The following CACNB2 variants were observed in gnomAD, a reference collection of about 807,000 sequenced individuals.
CACNB2 encodes the protein voltage-dependent L-type calcium channel subunit beta-2.
In CACNB2, 42 loss-of-function variants were observed where a neutral mutation model predicts 73.3. The observed-to-expected ratio is 0.57, with a 90% CI of 0.45 to 0.74. The LOEUF (loss-of-function observed/expected upper bound fraction) is 0.74. CACNB2 is among the 30% of genes least tolerant of loss of function. The pLI is 0.00. For missense variants in CACNB2, 940 were observed against 853.0 expected, an observed-to-expected ratio of 1.10 and a Z score of -1.27; for synonymous variants, 348 against 310.3, an observed-to-expected ratio of 1.12 and a Z score of -1.28.
intron 9 of CACNB2, among the ~76,000 whole-genome samples, chr10:18,522,746 C>T (rs77531704): frequency 2.6e-5 from 4 of 151,794 alleles, no homozygotes; most frequent in African/African-American, 4.8e-5. Context: ...GGCATGTTGG[C>T]GGGTGCCTGC....
chr10:18,539,262 C>T lies in CACNB2; in HGVS notation c.1521C>T (p.Ser507=), dbSNP rs143060134. The T allele has an allele frequency of 7.7e-3, 12,404 of 1,613,944 alleles. 59 individuals carry two copies. The highest frequency in any genetic ancestry group is 9.4e-3 in the Non-Finnish European group (11,073 of 1,179,990). The change falls in exon 14 of 14, where the codon TCC becomes TCT. Residue 507 remains serine, a synonymous_variant. Coordinates refer to ENST00000324631, the MANE Select transcript of CACNB2 (RefSeq NM_201596.3). ...GSQGDQRTDR[S]APIRSASQAE... is the part of the protein sequence containing the mutation. ...AAGGTGATCAGAGGACTGATCGCTC[C>T]GCTCCTATCCGTTCTGCTTCCCAAG...
chr10:18,475,196 A>C (rs1418718794), intron 3 of CACNB2, among the ~76,000 whole-genome samples: 1 of 151,920 alleles, frequency 6.6e-6, no homozygotes, highest in Non-Finnish European at 1.5e-5. Flanking sequence ...ACACACCTGG[A>C]AGCTCTCAGA....
rs1164745930 is a variant in CACNB2, at chr10:18,228,433, C to CAAAAAAAAA, written c.213+77466_213+77474dup. 5.9e-3 allele frequency among the ~76,000 whole-genome samples: 205 copies of CAAAAAAAAA among 34,712 alleles called. 20 individuals are homozygous for CAAAAAAAAA. The highest frequency in any genetic ancestry group is 0.015 in the African/African-American group (145 of 9,356). The allele number at this position is 34,712 out of a possible 152,430, so 22.8% of individuals were successfully genotyped here. A position where few individuals can be genotyped will look rare whatever the true frequency, so the allele number is the denominator to read the frequency against. ...GAGCAACAAGAGCAAAACTCTACCTCAAAAAAAAAAAAAAAAGAAAAAAAA... is the reference window on the plus strand; with the variant it reads ...GAGCAACAAGAGCAAAACTCTACCTCAAAAAAAAAAAAAAAAAAAAAAAAAGAAAAAAAA... On this transcript the variant is annotated intron_variant, in intron 2 of 13. Transcript: ENST00000324631.
rs962842205 is a variant in CACNB2, at chr10:18,266,082, G to A, written c.213+115107G>A. Among the ~76,000 whole-genome samples, 10 of 152,266 alleles carry A rather than the reference G, an allele frequency of 6.6e-5. No individual in the cohort carries two copies. The East Asian group carries it at 1.7e-3, about 26-fold the overall frequency. On this transcript the variant is annotated intron_variant, in intron 2 of 13. Coordinates refer to ENST00000324631, the MANE Select transcript of CACNB2 (RefSeq NM_201596.3). ...TATATACCGTAACTTAAGCAATTCGGTACTCTAGTTAAATTCTGATTGTTC... is the reference window on the plus strand; with the variant it reads ...TATATACCGTAACTTAAGCAATTCGATACTCTAGTTAAATTCTGATTGTTC...
Position 18,174,230 on chromosome 10 carries a change from C to G in CACNB2, c.213+23255C>G, listed in dbSNP as rs547885504. ...TTTCCCTTCCTTTCTCCTTCCCCTTCCCCTTCCTTCTCCCCTCCCCTTCCC... is the reference window on the plus strand; with the variant it reads ...TTTCCCTTCCTTTCTCCTTCCCCTTGCCCTTCCTTCTCCCCTCCCCTTCCC... On this transcript the variant is annotated intron_variant, in intron 2 of 13. Transcript: ENST00000324631. Among the ~76,000 whole-genome samples the G allele has an allele frequency of 3.7e-5, 5 of 136,884 alleles. No individual in the cohort carries two copies. The South Asian group carries it at 1.1e-3, about 30-fold the overall frequency. 89.8% of individuals were successfully genotyped at this position (136,884 alleles called of 152,430 possible). A position where few individuals can be genotyped will look rare whatever the true frequency, so the allele number is the denominator to read the frequency against.
chr10:18,310,466 G>A (rs1249943066), intron 2 of CACNB2, among the ~76,000 whole-genome samples: 2 of 150,934 alleles, frequency 1.3e-5, no homozygotes, highest in Non-Finnish European at 3.0e-5. Context: ...TTAGCTGGGC[G>A]TGGTGGTGGA....
chr10:18,176,031 G>A (rs2033570145), intron 2 of CACNB2, among the ~76,000 whole-genome samples: 1 of 152,198 alleles, frequency 6.6e-6, no homozygotes. Flanking sequence ...GACACCTACA[G>A]CATGTTGTAA....
intron 3 of CACNB2, among the ~76,000 whole-genome samples, chr10:18,477,966 C>G (rs1440390126): frequency 4.6e-5 from 7 of 152,146 alleles, no homozygotes; most frequent in South Asian, 2.1e-4. Context: ...CGGAGTTTCA[C>G]TCTTGTTGCC....
chr10:18,493,486 A>T (rs2049587788), intron 3 of CACNB2, among the ~76,000 whole-genome samples: 1 of 152,062 alleles, frequency 6.6e-6, no homozygotes, highest in African/African-American at 2.4e-5. Flanking sequence ...TTTTATATCA[A>T]GGACTTGAAC....
intron 2 of CACNB2, among the ~76,000 whole-genome samples, chr10:18,184,442 T>C (rs1040602421): frequency 1.3e-5 from 2 of 152,164 alleles, no homozygotes; most frequent in Non-Finnish European, 2.9e-5. Flanking sequence ...CCCCTATTAT[T>C]AACATCTTGT....
At chr10:18,287,785 G>T (rs979470446) in intron 2 of CACNB2, among the ~76,000 whole-genome samples, 1 of 152,174 alleles carries the variant, frequency 6.6e-6, no homozygotes, top group Non-Finnish European at 1.5e-5. Context: ...AGGAATTTGA[G>T]GCTGCACTGA....
rs192119936 is a variant in CACNB2, at chr10:18,408,332, G to A, written c.333+6289G>A. Among the ~76,000 whole-genome samples, 567 of 137,792 alleles carry A rather than the reference G, an allele frequency of 4.1e-3. 2 individuals carry two copies. Among genetic ancestry groups the A allele is most frequent in the African/African-American group, 0.011 (426 of 37,846 alleles). 90.4% of individuals were successfully genotyped at this position (137,792 alleles called of 152,430 possible). A position where few individuals can be genotyped will look rare whatever the true frequency, so the allele number is the denominator to read the frequency against. The stretch of plus-strand genomic sequence containing the variant: ...CAGCCCACTGCAGCCTCTTCCTCCC[G>A]GGTTCAGGCAATTCTCCTGCCTCAG... On this transcript the variant is annotated intron_variant, in intron 3 of 13. Coordinates refer to ENST00000324631, the MANE Select transcript of CACNB2 (RefSeq NM_201596.3).
At chr10:18,219,609 T>G (rs965154009) in intron 2 of CACNB2, among the ~76,000 whole-genome samples, 1 of 152,136 alleles carries the variant, frequency 6.6e-6, no homozygotes, top group African/African-American at 2.4e-5. Flanking sequence ...ACTTGTAGAT[T>G]AAACAGCCAA....
chr10:18,351,449 T>G (rs1799311736), intron 2 of CACNB2, among the ~76,000 whole-genome samples: 1 of 152,240 alleles, frequency 6.6e-6, no homozygotes. Flanking sequence ...CTCTTTACAT[T>G]CTTCTACCTA....
chr10:18,289,260 A>G (rs2038943733), intron 2 of CACNB2, among the ~76,000 whole-genome samples: 1 of 149,998 alleles, frequency 6.7e-6, no homozygotes, highest in African/African-American at 2.5e-5. Context: ...CAATCTTACG[A>G]AGTTGTCTTC....
At chr10:18,493,962 T>G (rs902009848) in intron 3 of CACNB2, among the ~76,000 whole-genome samples, 4 of 152,200 alleles carry the variant, frequency 2.6e-5, no homozygotes. Flanking sequence ...TATTGAGGAA[T>G]AGGTATCTGC....
chr10:18,207,722 T>C (rs530029266), intron 2 of CACNB2, among the ~76,000 whole-genome samples: 2 of 152,374 alleles, frequency 1.3e-5, no homozygotes, highest in East Asian at 3.9e-4. Context: ...TACATGGGCA[T>C]GATGTATTAT....
At chr10:18,276,131 T>C (rs1029655220) in intron 2 of CACNB2, among the ~76,000 whole-genome samples, 1 of 152,192 alleles carries the variant, frequency 6.6e-6, no homozygotes, top group Non-Finnish European at 1.5e-5. Context: ...CAGTTTCACA[T>C]GATATAAAAG....
At chr10:18,453,547 C>T (rs1359715073) in intron 3 of CACNB2, among the ~76,000 whole-genome samples, 1 of 152,226 alleles carries the variant, frequency 6.6e-6, no homozygotes, top group Non-Finnish European at 1.5e-5. Context: ...TGAGCACTGC[C>T]GCTCGTATCA....
Sources: allele counts gnomAD v4.1 joint callset (sites outside exome capture counted in the v4.1 genomes callset), GRCh38; gene constraint gnomAD v4.1.1; transcripts MANE v1.5; gene names NCBI Gene and HGNC (gene_info 2026-07-23, HGNC 2026-07-21).